The following ACVR2A variants were observed in gnomAD, a reference collection of about 807,000 sequenced individuals.
ACVR2A encodes the protein activin A receptor type 2A.
ACVR2A carries 7 observed loss-of-function variants against 61.4 expected under a neutral mutation model. The observed-to-expected ratio is 0.11, with a 90% CI of 0.06 to 0.21. ACVR2A has a LOEUF of 0.21. Among genes scored for constraint, ACVR2A ranks in the 10% least tolerant of loss-of-function variants. The pLI is 1.00. For synonymous variants in ACVR2A, 193 were observed against 208.3 expected, an observed-to-expected ratio of 0.93 and a Z score of 0.63; for missense variants, 322 against 621.7, an observed-to-expected ratio of 0.52 and a Z score of 5.13.
At chr2:147,899,042 T>C (rs1195155683) in intron 2 of ACVR2A, among the ~76,000 whole-genome samples, 1 of 152,166 alleles carries the variant, frequency 6.6e-6, no homozygotes, top group Non-Finnish European at 1.5e-5. Flanking sequence ...CACAGTTTTA[T>C]ATATAGTTTT....
chr2:147,892,870 G>C (rs1280029738), intron 1 of ACVR2A, among the ~76,000 whole-genome samples: 1 of 151,374 alleles, frequency 6.6e-6, no homozygotes, highest in East Asian at 1.9e-4. Flanking sequence ...CTCAAGATAT[G>C]GTAGTTTCTT....
At chr2:147,881,272 T>C (rs923831666) in intron 1 of ACVR2A, among the ~76,000 whole-genome samples, 17 of 152,178 alleles carry the variant, frequency 1.1e-4, no homozygotes, top group Non-Finnish European at 2.9e-5. Context: ...GTGAAGTTTT[T>C]TGATAGTTGA....
At chr2:147,848,521 C>T (rs751440139) in intron 1 of ACVR2A, among the ~76,000 whole-genome samples, 3 of 152,096 alleles carry the variant, frequency 2.0e-5, no homozygotes, top group Non-Finnish European at 4.4e-5. Flanking sequence ...AGTTAGCTGG[C>T]TCAATATGTC....
chr2:147,920,791 A>G (rs1183977552), intron 8 of ACVR2A, among the ~76,000 whole-genome samples: 1 of 152,082 alleles, frequency 6.6e-6, no homozygotes, highest in Non-Finnish European at 1.5e-5. Context: ...TTATTGCTTC[A>G]TTAATTTCTT....
intron 2 of ACVR2A, among the ~76,000 whole-genome samples, chr2:147,897,821 A>T (rs183521590): frequency 4.0e-4 from 61 of 152,298 alleles, no homozygotes; most frequent in African/African-American, 1.4e-3. Context: ...GATTATTTCT[A>T]TGTACTTATA....
rs183529719 is a variant in ACVR2A, at chr2:147,860,765, C to T, written c.55+15558C>T. Among the ~76,000 whole-genome samples the T allele has an allele frequency of 1.1e-4, 17 of 152,180 alleles. No homozygotes were observed. In the East Asian group the frequency reaches 1.2e-3, roughly 10 times the overall value. On this transcript the variant is annotated intron_variant, in intron 1 of 10. Transcript: ENST00000241416. ...CAGAATGTGTTCATCTTCCCCAGGC[C>T]GAGTTGGGATTCTTGCTTTTACAAT...
At chr2:147,909,795 G>T (rs1232264155) in intron 4 of ACVR2A, among the ~76,000 whole-genome samples, 2 of 151,826 alleles carry the variant, frequency 1.3e-5, no homozygotes, top group African/African-American at 4.8e-5. Context: ...ATGCAACCAC[G>T]CCCAGCTAAT....
At chr2:147,923,595 T>C (rs1354434178) in intron 9 of ACVR2A, among the ~76,000 whole-genome samples, 1 of 152,072 alleles carries the variant, frequency 6.6e-6, no homozygotes, top group Non-Finnish European at 1.5e-5. Flanking sequence ...CTTATAGATA[T>C]TTGCTTTTAT....
intron 1 of ACVR2A, among the ~76,000 whole-genome samples, chr2:147,847,124 T>G (rs78090899): frequency 0.011 from 1,726 of 152,188 alleles, 38 homozygotes; most frequent in East Asian, 0.051. Flanking sequence ...AGCTATAATT[T>G]TGAAATAAAG....
intron 8 of ACVR2A, 79 bp downstream of exon 8, chr2:147,920,423 T>G: frequency 9.3e-7 from 1 of 1,073,700 alleles, no homozygotes; most frequent in Non-Finnish European, 1.4e-6. Flanking sequence ...AGGACTGAAT[T>G]AGTCTAAAAT....
chr2:147,879,302 T>G (rs1241834692), intron 1 of ACVR2A, among the ~76,000 whole-genome samples: 2 of 152,140 alleles, frequency 1.3e-5, no homozygotes, highest in Non-Finnish European at 2.9e-5. Flanking sequence ...GTGGGTCTGT[T>G]TACTGTGTCC....
At chr2:147,850,639 G>A (rs2105130941) in intron 1 of ACVR2A, among the ~76,000 whole-genome samples, 1 of 151,482 alleles carries the variant, frequency 6.6e-6, no homozygotes, top group Non-Finnish European at 1.5e-5. Context: ...AAATAGTCAT[G>A]TCTAGACAGA....
intron 1 of ACVR2A, among the ~76,000 whole-genome samples, chr2:147,887,182 A>G (rs1686461123): frequency 6.6e-6 from 1 of 152,074 alleles, no homozygotes; most frequent in Admixed American, 6.5e-5. Context: ...ACTGCATTCC[A>G]GCCTAGGCTA....
intron 1 of ACVR2A, among the ~76,000 whole-genome samples, chr2:147,872,209 A>T (rs576024918): frequency 1.3e-5 from 2 of 152,114 alleles, no homozygotes; most frequent in South Asian, 4.1e-4. Context: ...GTCATACATT[A>T]TTTTTGCACA....
At chr2:147,900,619 T>G (rs1192115058) in intron 4 of ACVR2A, 2 of 152,098 alleles carry the variant, frequency 1.3e-5, no homozygotes, top group Non-Finnish European at 1.5e-5. Context: ...TGTAGACACT[T>G]TGTGCAGGTC....
intron 1 of ACVR2A, among the ~76,000 whole-genome samples, chr2:147,885,593 G>A (rs1686410869): frequency 6.6e-6 from 1 of 151,966 alleles, no homozygotes; most frequent in Non-Finnish European, 1.5e-5. Flanking sequence ...TCATGTGAAT[G>A]GATATTTGTG....
intron 1 of ACVR2A, among the ~76,000 whole-genome samples, chr2:147,849,398 G>GT (rs1558957507): frequency 6.6e-6 from 1 of 151,794 alleles, no homozygotes; most frequent in Non-Finnish European, 1.5e-5. Context: ...TAGAAATTCT[G>GT]TTTTTTTAAA....
chr2:147,922,886 C>T (rs1365728039), intron 8 of ACVR2A, 87 bp from the exon 9 acceptor site: 20 of 1,412,208 alleles, frequency 1.4e-5, no homozygotes, highest in Non-Finnish European at 1.9e-5. Flanking sequence ...TAATAGACCA[C>T]ATTTGGTTTT....
chr2:147,868,621 T>TTTATTTATTTA (rs1553485100), intron 1 of ACVR2A, among the ~76,000 whole-genome samples: 359 of 151,050 alleles, frequency 2.4e-3, no homozygotes, highest in Non-Finnish European at 4.0e-3. Context: ...TTTTATTTTA[T>TTTATTTATTTA]TTTATTTATT....
Sources: allele counts gnomAD v4.1 joint callset (sites outside exome capture counted in the v4.1 genomes callset), GRCh38; gene constraint gnomAD v4.1.1; transcripts MANE v1.5; gene names NCBI Gene and HGNC (gene_info 2026-07-23, HGNC 2026-07-21).